Variants in SLC30A6 observed in about 807,000 individuals in gnomAD.
SLC30A6 encodes the protein zinc transporter 6.
Under a neutral mutation model 63.0 loss-of-function variants are expected in SLC30A6, and 55 were observed. That is an observed-to-expected ratio of 0.87 (90% CI 0.70 to 1.09). SLC30A6 has a LOEUF of 1.09. Ranked by LOEUF, SLC30A6 falls within the 50% of genes least tolerant of loss-of-function variation. The pLI, the probability that SLC30A6 is intolerant of heterozygous loss-of-function variation, is 0.00. For missense variants in SLC30A6, 587 were observed against 549.2 expected, an observed-to-expected ratio of 1.07 and a Z score of -0.69; for synonymous variants, 224 against 186.1, an observed-to-expected ratio of 1.20 and a Z score of -1.66.
chr2:32,205,236 T>C (rs1684648735), intron 11 of SLC30A6, among the ~76,000 whole-genome samples: 2 of 152,110 alleles, frequency 1.3e-5, no homozygotes, highest in African/African-American at 4.8e-5. Flanking sequence ...CTGGCCAACA[T>C]GGTGAAACCC....
At chr2:32,210,943 G>C (rs1685206905) in intron 13 of SLC30A6, among the ~76,000 whole-genome samples, 1 of 152,176 alleles carries the variant, frequency 6.6e-6, no homozygotes. Context: ...GACTTGGACA[G>C]GTCCAGCATG....
At chr2:32,215,785 G>A (rs1204594398) in intron 13 of SLC30A6, among the ~76,000 whole-genome samples, 6 of 151,904 alleles carry the variant, frequency 3.9e-5, no homozygotes, top group Non-Finnish European at 8.8e-5. Flanking sequence ...GCTCACTGCA[G>A]CCTCAACCCT....
At chr2:32,190,614 A>G (rs1322084432) in intron 5 of SLC30A6, among the ~76,000 whole-genome samples, 1 of 152,074 alleles carries the variant, frequency 6.6e-6, no homozygotes, top group Non-Finnish European at 1.5e-5. Context: ...ATTTAATCCT[A>G]CAATCCAGTT....
In SLC30A6 at chr2:32,165,915, G is replaced by A. The variant is rs1229002309; in HGVS notation, c.3+12G>A. 6.2e-7 allele frequency: 1 copy of A among 1,614,194 alleles called. No individual in the cohort carries two copies. The highest frequency in any genetic ancestry group is 1.3e-5 in the African/African-American group (1 of 75,074). On this transcript the variant is annotated intron_variant, in intron 1 of 13. Coordinates refer to ENST00000282587, the MANE Select transcript of SLC30A6 (RefSeq NM_017964.5). ...AGCTCCTTATCATGGTGAGTTGGCTGTTGGGGTGAGGGTTTCGGCTGTAGC... is the reference window on the plus strand; with the variant it reads ...AGCTCCTTATCATGGTGAGTTGGCTATTGGGGTGAGGGTTTCGGCTGTAGC...
At chr2:32,215,247 T>C (rs1449769451) in intron 13 of SLC30A6, among the ~76,000 whole-genome samples, 1 of 152,022 alleles carries the variant, frequency 6.6e-6, no homozygotes, top group East Asian at 1.9e-4. Flanking sequence ...CAGCCTGGAG[T>C]GTAGCGACAT....
At chr2:32,168,717 C>G (rs1365824767) in intron 1 of SLC30A6, among the ~76,000 whole-genome samples, 1 of 152,074 alleles carries the variant, frequency 6.6e-6, no homozygotes, top group Non-Finnish European at 1.5e-5. Flanking sequence ...CAGATCTGGC[C>G]TTTTCACGCA....
intron 10 of SLC30A6, chr2:32,201,844 T>C: frequency 7.0e-7 from 1 of 1,437,008 alleles, no homozygotes; most frequent in Non-Finnish European, 9.7e-7. Flanking sequence ...AGATGAGAAA[T>C]CAGAAACAAG....
At chr2:32,184,225 A>G (rs1407384222) in intron 4 of SLC30A6, 48 bp from the exon 5 acceptor site, 7 of 1,080,932 alleles carry the variant, frequency 6.5e-6, no homozygotes, top group Admixed American at 2.6e-5. Context: ...TTATCTTCAC[A>G]TGTTCTCTTC....
chr2:32,205,538 A>G (rs1259009870), intron 11 of SLC30A6, among the ~76,000 whole-genome samples: 1 of 152,198 alleles, frequency 6.6e-6, no homozygotes, highest in Non-Finnish European at 1.5e-5. Context: ...TGACATTCAT[A>G]TAGTCAGAAC....
At chr2:32,174,893 T>C (rs1681592348) in intron 3 of SLC30A6, among the ~76,000 whole-genome samples, 1 of 152,196 alleles carries the variant, frequency 6.6e-6, no homozygotes, top group Admixed American at 6.5e-5. Flanking sequence ...CTTTAATTTA[T>C]GCAGTTTGTA....
intron 7 of SLC30A6, 102 bp downstream of exon 7, chr2:32,193,055 ATAAC>A (rs1573333103): frequency 5.4e-6 from 4 of 743,208 alleles, no homozygotes; most frequent in Non-Finnish European, 8.5e-6. Context: ...CTGTGGCAAC[ATAAC>A]GTTTTTGCTG....
intron 4 of SLC30A6, among the ~76,000 whole-genome samples, chr2:32,179,205 G>A (rs554600807): frequency 1.2e-3 from 177 of 152,288 alleles, no homozygotes; most frequent in African/African-American, 4.0e-3. Flanking sequence ...ATAAATTGGT[G>A]CAGCATCTCG....
chr2:32,211,162 G>A lies in SLC30A6; in HGVS notation c.885+1601G>A, dbSNP rs79481704. Reference sequence around the variant, plus strand: ...TGGTTCTCAGGGTCGCTTGCTCCTCGACTGTACACCATGGCTTTGGCTCAT... The same window carrying A: ...TGGTTCTCAGGGTCGCTTGCTCCTCAACTGTACACCATGGCTTTGGCTCAT... On this transcript the variant is annotated intron_variant, in intron 13 of 13. Coordinates refer to ENST00000282587, the MANE Select transcript of SLC30A6 (RefSeq NM_017964.5). Among the ~76,000 whole-genome samples, 962 of 152,246 alleles carry A rather than the reference G, an allele frequency of 6.3e-3. 13 individuals carry two copies. The highest frequency in any genetic ancestry group is 0.022 in the African/African-American group (930 of 41,528).
intron 10 of SLC30A6, among the ~76,000 whole-genome samples, chr2:32,199,796 A>C (rs1297438664): frequency 6.6e-6 from 1 of 151,958 alleles, no homozygotes; most frequent in East Asian, 1.9e-4. Flanking sequence ...ATTCGTCTCC[A>C]AGCCTTGTGT....
intron 7 of SLC30A6, 134 bp from the exon 8 acceptor site, chr2:32,193,755 C>A: frequency 1.6e-6 from 1 of 642,664 alleles, no homozygotes; most frequent in Non-Finnish European, 2.7e-6. Flanking sequence ...AGTTCAGATT[C>A]TGTATCTGGA....
intron 13 of SLC30A6, among the ~76,000 whole-genome samples, chr2:32,215,523 T>A (rs868442483): frequency 0.031 from 4,559 of 145,802 alleles, 111 homozygotes; most frequent in Middle Eastern, 0.11. Flanking sequence ...TATATTTTTT[T>A]TTTTTTTTTA....
chr2:32,202,413 T>C, intron 10 of SLC30A6: 1 of 258,838 alleles, frequency 3.9e-6, no homozygotes, highest in Non-Finnish European at 7.5e-6. Flanking sequence ...CACTGCAAGC[T>C]CCGCCGCCCG....
intron 5 of SLC30A6, among the ~76,000 whole-genome samples, chr2:32,185,461 T>C (rs1173330776): frequency 2.0e-5 from 3 of 152,098 alleles, no homozygotes; most frequent in Non-Finnish European, 1.5e-5. Flanking sequence ...AGGAAACAAC[T>C]TGAAAGAATT....
At chr2:32,213,441 G>A (rs1247714768) in intron 13 of SLC30A6, among the ~76,000 whole-genome samples, 1 of 151,824 alleles carries the variant, frequency 6.6e-6, no homozygotes, top group Non-Finnish European at 1.5e-5. Flanking sequence ...AGTTGCAGCT[G>A]CTTTTCTCAT....
Sources: gnomAD v4.1 joint callset for allele counts (sites outside exome capture counted in the v4.1 genomes callset) on GRCh38, gnomAD v4.1.1 for gene constraint, MANE v1.5 for transcripts, NCBI Gene and HGNC (gene_info 2026-07-23, HGNC 2026-07-21) for gene names.